TTLL5: variants seen among roughly 807,000 people sequenced by gnomAD.
The protein encoded by TTLL5 is tubulin tyrosine ligase like 5, also known as tubulin polyglutamylase TTLL5.
A neutral mutation model predicts 168.4 loss-of-function variants in TTLL5; 132 were observed. That is an observed-to-expected ratio of 0.78 (90% CI 0.68 to 0.91). The LOEUF (loss-of-function observed/expected upper bound fraction) is 0.91. TTLL5 is among the 40% of genes least tolerant of loss of function. TTLL5 has a pLI of 0.00. For synonymous variants in TTLL5, 546 were observed against 558.6 expected, an observed-to-expected ratio of 0.98 and a Z score of 0.32; for missense variants, 1,545 against 1,581.5, an observed-to-expected ratio of 0.98 and a Z score of 0.39.
chr14:75,917,232 G>A (rs966036723), intron 31 of TTLL5, among the ~76,000 whole-genome samples: 2 of 152,218 alleles, frequency 1.3e-5, no homozygotes, highest in Admixed American at 6.5e-5. Context: ...TATAGATTGT[G>A]TATGTATTAT....
chr14:75,721,163 A>G (rs1887813203), intron 12 of TTLL5, among the ~76,000 whole-genome samples: 1 of 151,190 alleles, frequency 6.6e-6, no homozygotes, highest in Admixed American at 6.6e-5. Flanking sequence ...TCTTTCTCCC[A>G]TTCCTCTTCC....
intron 31 of TTLL5, among the ~76,000 whole-genome samples, chr14:75,945,246 A>G (rs1237585255): frequency 1.4e-5 from 2 of 147,678 alleles, no homozygotes; most frequent in Non-Finnish European, 1.5e-5. Context: ...TTTTTATAAT[A>G]TATATTATAT....
chr14:75,670,154 C>A (rs75797393), intron 3 of TTLL5, among the ~76,000 whole-genome samples: 3 of 152,154 alleles, frequency 2.0e-5, no homozygotes, highest in African/African-American at 7.2e-5. Context: ...TCCAATGATA[C>A]ACCACATTTT....
chr14:75,771,162 C>G (rs1891285469), intron 20 of TTLL5, among the ~76,000 whole-genome samples: 1 of 152,176 alleles, frequency 6.6e-6, no homozygotes, highest in Non-Finnish European at 1.5e-5. Context: ...GTGACTCAGG[C>G]CTATATGTAA....
intron 6 of TTLL5, among the ~76,000 whole-genome samples, chr14:75,695,217 A>G (rs747003528): frequency 1.3e-5 from 2 of 152,216 alleles, no homozygotes; most frequent in Non-Finnish European, 2.9e-5. Context: ...TCTGTCTTAG[A>G]CGGTTGAAGA....
At chr14:75,813,679 G>A (rs541273626) in intron 27 of TTLL5, among the ~76,000 whole-genome samples, 18 of 152,022 alleles carry the variant, frequency 1.2e-4, no homozygotes, top group Non-Finnish European at 2.2e-4. Flanking sequence ...GATCTAAAAC[G>A]TAGCATATTA....
At chr14:75,663,440 G>C (rs757951397) in intron 2 of TTLL5, among the ~76,000 whole-genome samples, 9 of 152,152 alleles carry the variant, frequency 5.9e-5, no homozygotes, top group Non-Finnish European at 8.8e-5. Flanking sequence ...AATGAGATAA[G>C]GCTCTCTTTC....
chr14:75,834,356 A>T (rs1476252218), intron 28 of TTLL5, among the ~76,000 whole-genome samples: 4 of 152,230 alleles, frequency 2.6e-5, no homozygotes, highest in Non-Finnish European at 4.4e-5. Context: ...AGTGCTTGGT[A>T]TGCCATGTTA....
In TTLL5 at chr14:75,882,921, A is replaced by C. The variant is rs2031893298; in HGVS notation, c.3740+19A>C. On this transcript the variant is annotated intron_variant, in intron 30 of 31. Coordinates refer to ENST00000298832, the MANE Select transcript of TTLL5 (RefSeq NM_015072.5). ...CTTCCAAGTAAGTTTTTTTCTGTTC[A>C]ATTTCTACTGAGTTTTATCAGTTCT... 1.9e-6 allele frequency: 3 copies of C among 1,609,984 alleles called. No individual in the cohort carries two copies. The highest frequency in any genetic ancestry group is 2.2e-5 in the South Asian group (2 of 90,976).
intron 29 of TTLL5, among the ~76,000 whole-genome samples, chr14:75,869,978 C>T (rs2030889840): frequency 6.6e-6 from 1 of 151,880 alleles, no homozygotes; most frequent in Admixed American, 6.6e-5. Context: ...CACCACCACG[C>T]CAGGCTAATT....
intron 28 of TTLL5, among the ~76,000 whole-genome samples, chr14:75,855,345 C>T (rs1595155547): frequency 6.6e-6 from 1 of 152,106 alleles, no homozygotes; most frequent in African/African-American, 2.4e-5. Context: ...TATTTAAAGG[C>T]ACTGGAGGGT....
At chr14:75,790,464 CT>C (rs1392319649) in intron 26 of TTLL5, among the ~76,000 whole-genome samples, 1 of 150,910 alleles carries the variant, frequency 6.6e-6, no homozygotes, top group Non-Finnish European at 1.5e-5. Context: ...AATTTTCTTT[CT>C]TTTTTTCTTT....
chr14:75,857,452 TG>T (rs1463864515), intron 28 of TTLL5, among the ~76,000 whole-genome samples: 1 of 152,036 alleles, frequency 6.6e-6, no homozygotes, highest in Non-Finnish European at 1.5e-5. Flanking sequence ...AGTTTTTTTA[TG>T]TATCTGTGTT....
intron 27 of TTLL5, chr14:75,818,487 C>CT: frequency 2.5e-6 from 1 of 394,920 alleles, no homozygotes; most frequent in Non-Finnish European, 4.8e-6. Context: ...TTTTTCTTTT[C>CT]TTTTCTTTTT....
chr14:75,735,181 C>T lies in TTLL5; in HGVS notation c.1187-14C>T, dbSNP rs1171571701. Reference sequence around the variant, plus strand: ...GAAAATGGCAGGTTTTAATGTTGCCCATTCCCCATTCAGGATTTGTGTGCC... The same window carrying T: ...GAAAATGGCAGGTTTTAATGTTGCCTATTCCCCATTCAGGATTTGTGTGCC... On this transcript the variant is annotated splice_polypyrimidine_tract_variant and intron_variant, in intron 14 of 31. Transcript: ENST00000298832. The T allele has an allele frequency of 3.1e-6, 5 of 1,613,574 alleles. No homozygotes were observed. In the South Asian group the frequency reaches 3.3e-5, roughly 11 times the overall value.
intron 26 of TTLL5, among the ~76,000 whole-genome samples, chr14:75,785,986 CTAG>C (rs1489880550): frequency 2.0e-5 from 3 of 152,136 alleles, no homozygotes; most frequent in Non-Finnish European, 4.4e-5. Flanking sequence ...GATTTAAACA[CTAG>C]TAATAGCTAT....
intron 30 of TTLL5, among the ~76,000 whole-genome samples, chr14:75,887,668 A>G (rs1245613804): frequency 6.6e-6 from 1 of 151,922 alleles, no homozygotes; most frequent in African/African-American, 2.4e-5. Context: ...CTCACCTCAG[A>G]CTCTTCCCCC....
At chr14:75,772,200 C>T (rs1262535734) in intron 21 of TTLL5, among the ~76,000 whole-genome samples, 1 of 152,184 alleles carries the variant, frequency 6.6e-6, no homozygotes, top group African/African-American at 2.4e-5. Context: ...TTTTCTCAAG[C>T]AACCTCACAT....
At chr14:75,707,739 G>A (rs552934630) in intron 9 of TTLL5, 32 bp downstream of exon 9, 1 of 1,538,810 alleles carries the variant, frequency 6.5e-7, no homozygotes, top group Non-Finnish European at 9.0e-7. Context: ...AAGGGGTTGG[G>A]TGGGTATATT....
Sources: gnomAD v4.1 joint callset for allele counts (sites outside exome capture counted in the v4.1 genomes callset) on GRCh38, gnomAD v4.1.1 for gene constraint, MANE v1.5 for transcripts, NCBI Gene and HGNC (gene_info 2026-07-23, HGNC 2026-07-21) for gene names.